LMBR1: variants seen among roughly 807,000 people sequenced by gnomAD.
LMBR1 encodes the protein limb region 1 protein homolog.
Under a neutral mutation model 73.9 loss-of-function variants are expected in LMBR1, and 52 were observed. The observed-to-expected ratio is 0.70, with a 90% CI of 0.56 to 0.89. The LOEUF (loss-of-function observed/expected upper bound fraction) is 0.89. Among genes scored for constraint, LMBR1 ranks in the 40% least tolerant of loss-of-function variants. The probability of loss-of-function intolerance (pLI) is 0.00; values close to 1 mark genes in which losing one functional copy is unlikely to be tolerated. For synonymous variants in LMBR1, 215 were observed against 209.4 expected (o/e 1.03, Z -0.23); for missense variants, 539 against 579.8 (o/e 0.93, Z 0.72).
chr7:156,879,723 T>C (rs976304269), intron 1 of LMBR1, among the ~76,000 whole-genome samples: 3 of 147,110 alleles, frequency 2.0e-5, no homozygotes, highest in Admixed American at 6.7e-5. Context: ...AAAGAAGATA[T>C]ACAAATAGCC....
rs531072327 is a variant in LMBR1 at position 156,789,388 on chromosome 7, T to G, written c.423+7001A>C. On this transcript the variant is annotated intron_variant, in intron 5 of 16. Transcript: ENST00000353442. ...AATAAATATTTAAGTCGTATCATGT[T>G]AGTGACTTAAGTTTTAAAGAAAAGT... 1.3e-5 allele frequency among the ~76,000 whole-genome samples: 2 copies of G among 150,760 alleles called. No homozygotes were observed. The highest frequency in any genetic ancestry group is 1.3e-4 in the Admixed American group (2 of 15,062).
chr7:156,772,709 G>C (rs1054396645), intron 5 of LMBR1, among the ~76,000 whole-genome samples: 1 of 152,052 alleles, frequency 6.6e-6, no homozygotes, highest in African/African-American at 2.4e-5. Context: ...TTAGCTGGGC[G>C]TGGTGGCAGG....
rs965471008 is a variant in LMBR1 at position 156,893,103 on chromosome 7, G to A, written c.-110C>T. ...GCGCCGGGGACCGGAGCCGGCACGGGCCCGCGAGCCGTGTTGGAACAGGTA... is the reference window on the plus strand; with the variant it reads ...GCGCCGGGGACCGGAGCCGGCACGGACCCGCGAGCCGTGTTGGAACAGGTA... On this transcript the variant is annotated 5_prime_UTR_variant, in exon 1 of 17. Transcript: ENST00000353442. 8 of 1,126,028 alleles carry A rather than the reference G, an allele frequency of 7.1e-6. No individual in the cohort carries two copies. The highest frequency in any genetic ancestry group is 8.0e-6 in the Non-Finnish European group (7 of 871,716). 69.8% of individuals were successfully genotyped at this position (1,126,028 alleles called of 1,614,324 possible).
chr7:156,687,168 T>A (rs183233458), intron 16 of LMBR1, among the ~76,000 whole-genome samples: 57 of 152,236 alleles, frequency 3.7e-4, no homozygotes, highest in Non-Finnish European at 1.9e-4. Flanking sequence ...TGGACCTTAA[T>A]GAATCCATCA....
At chr7:156,769,659 CA>C (rs1408059936) in intron 5 of LMBR1, among the ~76,000 whole-genome samples, 3 of 152,158 alleles carry the variant, frequency 2.0e-5, no homozygotes, top group Non-Finnish European at 2.9e-5. Context: ...GGATCAGAAG[CA>C]AAGGATTTTA....
chr7:156,892,921 C>A lies in LMBR1; in HGVS notation c.66+7G>T. 6.6e-7 allele frequency: 1 copy of A among 1,519,130 alleles called. No homozygotes were observed. Among genetic ancestry groups the A allele is most frequent in the East Asian group, 2.8e-5 (1 of 35,622 alleles). 94.1% of individuals were successfully genotyped at this position (1,519,130 alleles called of 1,614,324 possible). On this transcript the variant is annotated splice_region_variant and intron_variant, in intron 1 of 16. Transcript: ENST00000353442. Reference sequence around the variant, plus strand: ...GGACTGTCAGGGCTGCCTCGGTCCCCACGCACCGTGGACTCCCGCACTTGG... The same window carrying A: ...GGACTGTCAGGGCTGCCTCGGTCCCAACGCACCGTGGACTCCCGCACTTGG...
At chr7:156,821,060 A>G (rs1834715649) in intron 4 of LMBR1, among the ~76,000 whole-genome samples, 1 of 152,206 alleles carries the variant, frequency 6.6e-6, no homozygotes, top group Admixed American at 6.5e-5. Context: ...GAATGCTGAA[A>G]CATGGACCAC....
chr7:156,728,815 T>A, intron 10 of LMBR1, 95 bp from the exon 11 acceptor site: 1 of 849,132 alleles, frequency 1.2e-6, no homozygotes, highest in East Asian at 2.8e-5. Context: ...AATTTCTTTT[T>A]AAAAAACATA....
intron 5 of LMBR1, among the ~76,000 whole-genome samples, chr7:156,788,910 T>G (rs1255412133): frequency 6.6e-6 from 1 of 152,026 alleles, no homozygotes; most frequent in African/African-American, 2.4e-5. Context: ...TAGCCGGGCG[T>G]GGTGGTGGGC....
chr7:156,704,076 C>T (rs1810381386), intron 15 of LMBR1, among the ~76,000 whole-genome samples: 2 of 152,120 alleles, frequency 1.3e-5, no homozygotes, highest in South Asian at 4.2e-4. Flanking sequence ...GGGCTGAGGG[C>T]CCACTTACCC....
In LMBR1 at chr7:156,751,320, G is replaced by A. The variant is rs180725452; in HGVS notation, c.757+5073C>T. Among the ~76,000 whole-genome samples the A allele has an allele frequency of 2.4e-3, 366 of 152,266 alleles. 2 individuals carry two copies. Among genetic ancestry groups the A allele is most frequent in the African/African-American group, 7.8e-3 (324 of 41,540 alleles). On this transcript the variant is annotated intron_variant, in intron 9 of 16. Coordinates refer to ENST00000353442, the MANE Select transcript of LMBR1 (RefSeq NM_022458.4). ...CAGAGTGGGGGAAAGCTCCACGAAA[G>A]GGTATTTAGGTAAAGACCTGGAAGA...
At chr7:156,704,428 G>T (rs985888575) in intron 15 of LMBR1, among the ~76,000 whole-genome samples, 1 of 151,968 alleles carries the variant, frequency 6.6e-6, no homozygotes, top group African/African-American at 2.4e-5. Flanking sequence ...ACACATCATG[G>T]TCACATAGTC....
intron 15 of LMBR1, among the ~76,000 whole-genome samples, chr7:156,717,979 G>A (rs1416036400): frequency 6.6e-6 from 1 of 152,160 alleles, no homozygotes; most frequent in Non-Finnish European, 1.5e-5. Context: ...CTAATTTTTA[G>A]TATTCTTTAT....
intron 1 of LMBR1, among the ~76,000 whole-genome samples, chr7:156,855,425 T>A (rs555634976): frequency 6.6e-6 from 1 of 151,964 alleles, no homozygotes; most frequent in Non-Finnish European, 1.5e-5. Flanking sequence ...AGAAGATATG[T>A]CAATGGAAAC....
rs1411203456 is a variant in LMBR1 at position 156,730,095 on chromosome 7, C to A, written c.839-1375G>T. Among the ~76,000 whole-genome samples, 4 of 152,292 alleles carry A rather than the reference C, an allele frequency of 2.6e-5. No individual in the cohort carries two copies. In the South Asian group the frequency reaches 8.3e-4, roughly 32 times the overall value. ...TAAAAGGCAATGATTCTAAAGCAAA[C>A]CTTTCAGCAAACTCAACAGAGCCAA... On this transcript the variant is annotated intron_variant, in intron 10 of 16. Transcript: ENST00000353442.
intron 15 of LMBR1, among the ~76,000 whole-genome samples, chr7:156,706,807 C>T (rs754600178): frequency 1.7e-4 from 26 of 151,294 alleles, no homozygotes; most frequent in Non-Finnish European, 3.1e-4. Flanking sequence ...AACCTAATGT[C>T]ATACCTCAAG....
chr7:156,740,219 A>T (rs1320587114), intron 9 of LMBR1, among the ~76,000 whole-genome samples: 3 of 152,128 alleles, frequency 2.0e-5, no homozygotes. Context: ...AAGAAAAAAG[A>T]ATCAAAAAGA....
intron 5 of LMBR1, among the ~76,000 whole-genome samples, chr7:156,764,205 C>T (rs774833417): frequency 1.3e-5 from 2 of 152,150 alleles, no homozygotes; most frequent in Admixed American, 6.5e-5. Context: ...TGCTGGAGAG[C>T]GCCGGCTCTC....
intron 1 of LMBR1, among the ~76,000 whole-genome samples, chr7:156,857,884 A>G (rs1016089454): frequency 6.6e-6 from 1 of 152,140 alleles, no homozygotes. Context: ...CAAATTTTAA[A>G]ATATTTTGAA....
Sources: allele counts gnomAD v4.1 joint callset (sites outside exome capture counted in the v4.1 genomes callset), GRCh38; gene constraint gnomAD v4.1.1; transcripts MANE v1.5; gene names NCBI Gene and HGNC (gene_info 2026-07-23, HGNC 2026-07-21).